TASP1: variants seen among roughly 807,000 people sequenced by gnomAD.
The protein encoded by TASP1 is taspase 1, also known as threonine aspartase 1.
Under a neutral mutation model 56.6 loss-of-function variants are expected in TASP1, and 16 were observed. That is an observed-to-expected ratio of 0.28 (90% confidence interval 0.19 to 0.43). The LOEUF is 0.43. Among genes scored for constraint, TASP1 ranks in the 20% least tolerant of loss-of-function variants. The probability of loss-of-function intolerance (pLI) is 1.00; values close to 1 mark genes in which losing one functional copy is unlikely to be tolerated. For missense variants in TASP1, 393 were observed against 511.6 expected, an observed-to-expected ratio of 0.77 and a Z score of 2.24; for synonymous variants, 179 against 184.2, an observed-to-expected ratio of 0.97 and a Z score of 0.23.
At chr20:13,549,626 C>A (rs901898529) in intron 8 of TASP1, among the ~76,000 whole-genome samples, 3 of 152,012 alleles carry the variant, frequency 2.0e-5, no homozygotes, top group Non-Finnish European at 4.4e-5. Context: ...TTCTTAACAC[C>A]AGCATCTAAG....
chr20:13,532,444 A>G (rs186641846), intron 9 of TASP1, among the ~76,000 whole-genome samples: 1 of 152,090 alleles, frequency 6.6e-6, no homozygotes, highest in African/African-American at 2.4e-5. Flanking sequence ...AGTTTATTAC[A>G]TCTCCTCTAT....
chr20:13,147,626 T>A, the TASP1 span, among the ~76,000 whole-genome samples: 1 of 152,284 alleles, frequency 6.6e-6, no homozygotes, highest in East Asian at 1.9e-4. Flanking sequence ...TTCTTTAATA[T>A]CAATTTGATT....
chr20:13,181,192 C>T, the TASP1 span, among the ~76,000 whole-genome samples: 2 of 152,210 alleles, frequency 1.3e-5, no homozygotes, highest in African/African-American at 4.8e-5. Context: ...CAGATAAGCA[C>T]CTTGGCCTCT....
intron 13 of TASP1, among the ~76,000 whole-genome samples, chr20:13,409,951 C>T (rs2042043643): frequency 1.3e-5 from 2 of 152,084 alleles, no homozygotes; most frequent in African/African-American, 4.8e-5. Flanking sequence ...ACCCATTGAC[C>T]GACCTCTCTT....
chr20:13,298,081 TTTTA>T, the TASP1 span, among the ~76,000 whole-genome samples: 1 of 152,086 alleles, frequency 6.6e-6, no homozygotes, highest in Non-Finnish European at 1.5e-5. Flanking sequence ...TTCTTTATAT[TTTTA>T]TTTTTTATTT....
the TASP1 span, chr20:13,279,599 TCCACAC>T: frequency 6.3e-7 from 1 of 1,589,318 alleles, no homozygotes; most frequent in Admixed American, 1.7e-5. Flanking sequence ...GGCTGTTGAC[TCCACAC>T]TGACCCCAGC....
At chr20:13,338,782 T>C in the TASP1 span, among the ~76,000 whole-genome samples, 10 of 152,208 alleles carry the variant, frequency 6.6e-5, no homozygotes, top group Admixed American at 1.3e-4. Flanking sequence ...CCTCCAAGTA[T>C]TGATTTCTAA....
At chr20:13,231,312 C>T in the TASP1 span, among the ~76,000 whole-genome samples, 1 of 152,212 alleles carries the variant, frequency 6.6e-6, no homozygotes, top group African/African-American at 2.4e-5. Flanking sequence ...AACCAGGCTA[C>T]CCCATGCCCT....
At chr20:13,121,378 C>T in the TASP1 span, among the ~76,000 whole-genome samples, 1 of 152,172 alleles carries the variant, frequency 6.6e-6, no homozygotes, top group African/African-American at 2.4e-5. Context: ...CTGCCCTGCA[C>T]ACTAGGCCCT....
At chr20:13,632,429 T>A (rs1343070201) in intron 1 of TASP1, among the ~76,000 whole-genome samples, 2 of 151,116 alleles carry the variant, frequency 1.3e-5, no homozygotes, top group African/African-American at 4.9e-5. Flanking sequence ...AATTATAACA[T>A]CAACATTTTA....
chr20:13,485,672 T>C (rs974664462), intron 10 of TASP1, among the ~76,000 whole-genome samples: 3 of 152,154 alleles, frequency 2.0e-5, no homozygotes, highest in African/African-American at 7.2e-5. Context: ...ATTGTTTTTA[T>C]AATCGGGAAA....
chr20:13,345,988 C>T, the TASP1 span, among the ~76,000 whole-genome samples: 492 of 151,186 alleles, frequency 3.3e-3, 1 homozygote, highest in East Asian at 0.011. Flanking sequence ...TAAGAGAAAC[C>T]TTGGAGGCAG....
chr20:13,604,723 A>G (rs957189979), intron 4 of TASP1, among the ~76,000 whole-genome samples: 1 of 152,142 alleles, frequency 6.6e-6, no homozygotes, highest in African/African-American at 2.4e-5. Flanking sequence ...AAACCACCAG[A>G]TACCATTATA....
rs183629122 is a variant in TASP1 at position 13,534,579 on chromosome 20, G to A, written c.676-438C>T. On this transcript the variant is annotated intron_variant, in intron 8 of 13. Transcript: ENST00000337743. ...AAGTATTATATACAAACATCTAATA[G>A]AAATACATTCCACACAATAAATTAA... Among the ~76,000 whole-genome samples the A allele has an allele frequency of 4.6e-5, 7 of 152,180 alleles. No homozygotes were observed. In the East Asian group the frequency reaches 1.4e-3, roughly 29 times the overall value.
At chr20:13,284,452 T>A in the TASP1 span, among the ~76,000 whole-genome samples, 1 of 152,364 alleles carries the variant, frequency 6.6e-6, no homozygotes, top group South Asian at 2.1e-4. Flanking sequence ...TGTTTTTTCC[T>A]GCCGTTGTCA....
At chr20:13,469,643 G>A (rs1278614006) in intron 11 of TASP1, among the ~76,000 whole-genome samples, 3 of 152,050 alleles carry the variant, frequency 2.0e-5, no homozygotes, top group Non-Finnish European at 2.9e-5. Context: ...CCATGTCAAA[G>A]AAGGTTAACT....
chr20:13,158,971 A>G, the TASP1 span, among the ~76,000 whole-genome samples: 2 of 152,236 alleles, frequency 1.3e-5, no homozygotes, highest in African/African-American at 4.8e-5. Flanking sequence ...TGCTAAGAAC[A>G]GATCTGAGGC....
intron 13 of TASP1, among the ~76,000 whole-genome samples, chr20:13,407,953 G>A (rs1425143641): frequency 1.3e-5 from 2 of 152,026 alleles, no homozygotes; most frequent in Non-Finnish European, 2.9e-5. Flanking sequence ...TTCTATATAT[G>A]TTCTGGTACA....
chr20:13,274,576 C>T, the TASP1 span, among the ~76,000 whole-genome samples: 1 of 152,200 alleles, frequency 6.6e-6, no homozygotes, highest in Non-Finnish European at 1.5e-5. Flanking sequence ...AAGTGTTTCC[C>T]ACGCTCCAGG....
Sources: allele counts gnomAD v4.1 joint callset (sites outside exome capture counted in the v4.1 genomes callset), GRCh38; gene constraint gnomAD v4.1.1; transcripts MANE v1.5; gene names NCBI Gene and HGNC (gene_info 2026-07-23, HGNC 2026-07-21).